The following HES2 variants were observed in gnomAD, a reference collection of about 807,000 sequenced individuals.
The protein encoded by HES2 is transcription factor HES-2.
A neutral mutation model predicts 11.9 loss-of-function variants in HES2; 11 were observed. That is an observed-to-expected ratio of 0.92 (90% confidence interval 0.58 to 1.53). The LOEUF is 1.53. Ranked by LOEUF, HES2 falls within the 40% of genes most tolerant of loss-of-function variation. The probability of loss-of-function intolerance (pLI) is 0.00; values close to 1 mark genes in which losing one functional copy is unlikely to be tolerated. For synonymous variants in HES2, 125 were observed against 122.8 expected (o/e 1.02, Z -0.12); for missense variants, 260 against 253.8 (o/e 1.02, Z -0.16).
Position 6,419,441 on chromosome 1 carries a change from C to T in HES2, c.142-101G>A. 2 of 1,217,484 alleles carry T rather than the reference C, an allele frequency of 1.6e-6. No homozygotes were observed. Among genetic ancestry groups the T allele is most frequent in the African/African-American group, 1.5e-5 (1 of 64,800 alleles). The allele number at this position is 1,217,484 out of a possible 1,614,324, so 75.4% of individuals were successfully genotyped here. A position where few individuals can be genotyped will look rare whatever the true frequency, so the allele number is the denominator to read the frequency against. ...CTCTAGTCGGGAGCTGGGTGTGGGG[C>T]GCGCCGTGGCCTGCTGGGGGTCCGC... is the stretch of plus-strand genomic sequence containing the variant. On this transcript the variant is annotated intron_variant, in intron 2 of 3. Transcript: ENST00000377834. This position sits in a 1 kb window ranked among gnomAD's most constrained non-coding sequence, Gnocchi z 8.1.
Position 6,419,059 on chromosome 1 carries a change from G to A in HES2, c.336C>T (p.Ser112=), listed in dbSNP as rs1194957833. 6.8e-7 allele frequency: 1 copy of A among 1,473,788 alleles called. No individual in the cohort carries two copies. The highest frequency in any genetic ancestry group is 1.5e-5 in the African/African-American group (1 of 68,026). 91.3% of individuals were successfully genotyped at this position (1,473,788 alleles called of 1,614,324 possible). A position where few individuals can be genotyped will look rare whatever the true frequency, so the allele number is the denominator to read the frequency against. ...GCCACAGGTGCTCCAGCAGGCGCGC[G>A]CTCACGGCGGGCTCCAGGACACGGC... ...PACRVLEPAV[S]ARLLEHLWRR... is the part of the protein sequence containing the mutation. The change falls in exon 4 of 4, where the codon AGC becomes AGT. Residue 112 remains serine (S), a synonymous_variant. Coordinates refer to ENST00000377834, the MANE Select transcript of HES2 (RefSeq NM_019089.5). The surrounding 1 kb of genome is among the most constrained non-coding windows in gnomAD (Gnocchi z 8.1).
At position 6,419,875 on chromosome 1, in the gene HES2, C is replaced by A. The variant is rs1036757358; in HGVS notation, c.-55G>T. The A allele has an allele frequency of 2.3e-5, 34 of 1,492,390 alleles. 1 individual carries two copies. The East Asian group carries it at 8.6e-4, about 38-fold the overall frequency. 92.4% of individuals were successfully genotyped at this position (1,492,390 alleles called of 1,614,324 possible). On this transcript the variant is annotated 5_prime_UTR_variant, in exon 1 of 4. Transcript: ENST00000377834. This position sits in a 1 kb window ranked among gnomAD's most constrained non-coding sequence, Gnocchi z 8.1. The stretch of plus-strand genomic sequence containing the variant: ...GCCCCACGCAAAGGGAAACCGAGGT[C>A]CGAAATGAGGTCCCGGGCGCGGCCC...
chr1:6,418,701 G>A lies in HES2; in HGVS notation c.*172C>T, dbSNP rs1312472641. On this transcript the variant is annotated 3_prime_UTR_variant, in exon 4 of 4. Transcript: ENST00000377834. ...CTTTTATTCCCTGAGCCGAGCCCCA[G>A]CCCCAGGGCTTTCAGTCTGCCACGC... is the stretch of plus-strand genomic sequence containing the variant. The A allele has an allele frequency of 3.5e-6, 2 of 564,314 alleles. No individual in the cohort carries two copies. The highest frequency in any genetic ancestry group is 5.3e-6 in the Non-Finnish European group (2 of 378,086). The allele number at this position is 564,314 out of a possible 1,614,324, so 35.0% of individuals were successfully genotyped here.
At position 6,415,728 on chromosome 1, in the gene HES2, G is replaced by A. The variant is rs1308055657; in HGVS notation, c.*3145C>T. On this transcript the variant is annotated 3_prime_UTR_variant, in exon 4 of 4. Coordinates refer to ENST00000377834, the MANE Select transcript of HES2 (RefSeq NM_019089.5). ...TTTCAGCACAGATGGGTTCCCAGCA[G>A]CTTAGTGCTCTGGCTGTCCTTAGGT... 1.3e-5 allele frequency: 2 copies of A among 152,204 alleles called. No individual in the cohort carries two copies. The highest frequency in any genetic ancestry group is 6.5e-5 in the Admixed American group (1 of 15,274). The allele number at this position is 152,204 out of a possible 1,614,324, so 9.4% of individuals were successfully genotyped here. A position where few individuals can be genotyped will look rare whatever the true frequency, so the allele number is the denominator to read the frequency against.
chr1:6,419,270 G>A lies in HES2; in HGVS notation c.212C>T (p.Pro71Leu). 1 of 1,610,598 alleles carries A rather than the reference G, an allele frequency of 6.2e-7. No homozygotes were observed. The highest frequency in any genetic ancestry group is 8.5e-7 in the Non-Finnish European group (1 of 1,179,160). Residue 71 changes from proline to leucine, a missense_variant, in exon 3 of 4, where the codon CCT (proline) becomes CTT (leucine). Coordinates refer to ENST00000377834, the MANE Select transcript of HES2 (RefSeq NM_019089.5). This position sits in a 1 kb window ranked among gnomAD's most constrained non-coding sequence, Gnocchi z 8.1. ...EMTVRFLQEL[P>L]ASSWPTAAPL... The stretch of plus-strand genomic sequence containing the variant: ...CGCTGCCGTGGGCCATGAGGACGCA[G>A]GCAGCTCCTGCAGGAAGCGCACGGT...
rs745921502 is a variant in HES2, at chr1:6,419,095, C to T, written c.300G>A (p.Val100=). The T allele has an allele frequency of 1.9e-5, 29 of 1,502,900 alleles. No individual in the cohort carries two copies. Among genetic ancestry groups the T allele is most frequent in the Non-Finnish European group, 2.6e-5 (29 of 1,134,364 alleles). 93.1% of individuals were successfully genotyped at this position (1,502,900 alleles called of 1,614,324 possible). Residue 100 remains valine (V), a synonymous_variant, in exon 4 of 4, where the codon GTG becomes GTA. Transcript: ENST00000377834. This position sits in a 1 kb window ranked among gnomAD's most constrained non-coding sequence, Gnocchi z 8.1. The stretch of plus-strand genomic sequence containing the variant: ...GCTCCAGGACACGGCAGGCGGGCAG[C>T]ACGCGGGCCAGGCGCGCCACACAGG... The part of the protein sequence containing the change: ...YSACVARLAR[V]LPACRVLEPA...
At position 6,419,007 on chromosome 1, in the gene HES2, C is replaced by G; in HGVS notation, c.388G>C (p.Gly130Arg). Residue 130 changes from glycine (G) to arginine (R), a missense_variant, in exon 4 of 4, where the codon GGC (glycine) becomes CGC (arginine). Coordinates refer to ENST00000377834, the MANE Select transcript of HES2 (RefSeq NM_019089.5). This position sits in a 1 kb window ranked among gnomAD's most constrained non-coding sequence, Gnocchi z 8.1. ...WRRAASATLD[G>R]GRAGDSSGPS... ...CCACTGGAATCCCCAGCGCGCCCGC[C>G]GTCCAGGGTGGCGCTGGCCGCTCTC... 7.3e-7 allele frequency: 1 copy of G among 1,374,820 alleles called. No homozygotes were observed. Among genetic ancestry groups the G allele is most frequent in the Non-Finnish European group, 9.3e-7 (1 of 1,075,248 alleles). 85.2% of individuals were successfully genotyped at this position (1,374,820 alleles called of 1,614,324 possible). A position where few individuals can be genotyped will look rare whatever the true frequency, so the allele number is the denominator to read the frequency against.
Position 6,419,499 on chromosome 1 carries a change from C to G in HES2, c.141+108G>C. 6 of 1,215,392 alleles carry G rather than the reference C, an allele frequency of 4.9e-6. No homozygotes were observed. The highest frequency in any genetic ancestry group is 6.7e-6 in the Non-Finnish European group (6 of 897,186). 75.3% of individuals were successfully genotyped at this position (1,215,392 alleles called of 1,614,324 possible). ...CGCCCACCCCACCCAGGCTCCGCCT[C>G]GGGCGCCGCGCGGAACCCCCTGGTG... On this transcript the variant is annotated intron_variant, in intron 2 of 3. Coordinates refer to ENST00000377834, the MANE Select transcript of HES2 (RefSeq NM_019089.5). This position sits in a 1 kb window ranked among gnomAD's most constrained non-coding sequence, Gnocchi z 8.1.
chr1:6,419,760 A>T lies in HES2; in HGVS notation c.45+16T>A. On this transcript the variant is annotated intron_variant, in intron 1 of 3. Transcript: ENST00000377834. The surrounding 1 kb of genome is among the most constrained non-coding windows in gnomAD (Gnocchi z 8.1). Reference sequence around the variant, plus strand: ...CCCCGGAGTCCCCAGCCCCGCCCCCAGTCCCCGGTACCCACCTTGCGCAGC... The same window carrying T: ...CCCCGGAGTCCCCAGCCCCGCCCCCTGTCCCCGGTACCCACCTTGCGCAGC... 1 of 1,461,636 alleles carries T rather than the reference A, an allele frequency of 6.8e-7. No homozygotes were observed. Among genetic ancestry groups the T allele is most frequent in the Non-Finnish European group, 9.2e-7 (1 of 1,081,604 alleles). The allele number at this position is 1,461,636 out of a possible 1,614,324, so 90.5% of individuals were successfully genotyped here. A position where few individuals can be genotyped will look rare whatever the true frequency, so the allele number is the denominator to read the frequency against.
At position 6,419,401 on chromosome 1, in the gene HES2, C is replaced by A; in HGVS notation, c.142-61G>T. 1 of 1,420,754 alleles carries A rather than the reference C, an allele frequency of 7.0e-7. No homozygotes were observed. The highest frequency in any genetic ancestry group is 9.7e-7 in the Non-Finnish European group (1 of 1,034,926). 88.0% of individuals were successfully genotyped at this position (1,420,754 alleles called of 1,614,324 possible). A position where few individuals can be genotyped will look rare whatever the true frequency, so the allele number is the denominator to read the frequency against. ...ACCAAGACAGAACTTTGGCCGGCTA[C>A]CGTGCGCACCCTCGCTCTAGTCGGG... On this transcript the variant is annotated intron_variant, in intron 2 of 3. Coordinates refer to ENST00000377834, the MANE Select transcript of HES2 (RefSeq NM_019089.5). This position sits in a 1 kb window ranked among gnomAD's most constrained non-coding sequence, Gnocchi z 8.1.
At position 6,419,720 on chromosome 1, in the gene HES2, G is replaced by A. The variant is rs1642890476; in HGVS notation, c.46-18C>T. 6.4e-7 allele frequency: 1 copy of A among 1,551,678 alleles called. No homozygotes were observed. The highest frequency in any genetic ancestry group is 8.7e-7 in the Non-Finnish European group (1 of 1,151,628). ...TTCAGGCTCTGCGGACGGGCGGCGC[G>A]GTGGTTAGACGGGTCCCCGGAGTCC... On this transcript the variant is annotated intron_variant, in intron 1 of 3. Transcript: ENST00000377834. The surrounding 1 kb of genome is among the most constrained non-coding windows in gnomAD (Gnocchi z 8.1).
rs1642854290 is a variant in HES2 at position 6,416,709 on chromosome 1, CT to C, written c.*2163del. 1 of 152,350 alleles carries C rather than the reference CT, an allele frequency of 6.6e-6. No individual in the cohort carries two copies. The highest frequency in any genetic ancestry group is 6.5e-5 in the Admixed American group (1 of 15,278). The allele number at this position is 152,350 out of a possible 1,614,324, so 9.4% of individuals were successfully genotyped here. A position where few individuals can be genotyped will look rare whatever the true frequency, so the allele number is the denominator to read the frequency against. On this transcript the variant is annotated 3_prime_UTR_variant, in exon 4 of 4. Coordinates refer to ENST00000377834, the MANE Select transcript of HES2 (RefSeq NM_019089.5). ...GGAGAGGAAGCGAGGGTCCTCCTGG[CT>C]GGTTAGATCTTACAGAGTTTAAGCT...
At position 6,419,754 on chromosome 1, in the gene HES2, GC is replaced by G; in HGVS notation, c.45+21del. 2.2e-6 allele frequency: 3 copies of G among 1,356,660 alleles called. No homozygotes were observed. The highest frequency in any genetic ancestry group is 5.4e-5 in the East Asian group (2 of 36,960). 84.0% of individuals were successfully genotyped at this position (1,356,660 alleles called of 1,614,324 possible). A position where few individuals can be genotyped will look rare whatever the true frequency, so the allele number is the denominator to read the frequency against. On this transcript the variant is annotated intron_variant, in intron 1 of 3. Coordinates refer to ENST00000377834, the MANE Select transcript of HES2 (RefSeq NM_019089.5). This position sits in a 1 kb window ranked among gnomAD's most constrained non-coding sequence, Gnocchi z 8.1. ...ACGGGTCCCCGGAGTCCCCAGCCCCGCCCCCAGTCCCCGGTACCCACCTTGC... is the reference window on the plus strand; with the variant it reads ...ACGGGTCCCCGGAGTCCCCAGCCCCGCCCCAGTCCCCGGTACCCACCTTGC...
rs754809839 is a variant in HES2, at chr1:6,419,040, G to T, written c.355C>A (p.Leu119Met). Residue 119 changes from leucine to methionine, a missense_variant, in exon 4 of 4, where the codon CTG becomes ATG. By Grantham distance (15) the Leu-to-Met change is conservative (BLOSUM62 2). Transcript: ENST00000377834. This position sits in a 1 kb window ranked among gnomAD's most constrained non-coding sequence, Gnocchi z 8.1. Reference protein sequence around the residue: ...PAVSARLLEHLWRRAASATLD... With the variant: ...PAVSARLLEHMWRRAASATLD... ...GTGGCGCTGGCCGCTCTCCGCCACA[G>T]GTGCTCCAGCAGGCGCGCGCTCACG... 1.3e-5 allele frequency: 19 copies of T among 1,464,514 alleles called. No homozygotes were observed. The highest frequency in any genetic ancestry group is 1.5e-5 in the Non-Finnish European group (17 of 1,118,064). 90.7% of individuals were successfully genotyped at this position (1,464,514 alleles called of 1,614,324 possible).
chr1:6,415,722 C>G lies in HES2; in HGVS notation c.*3151G>C, dbSNP rs761580910. On this transcript the variant is annotated 3_prime_UTR_variant, in exon 4 of 4. Coordinates refer to ENST00000377834, the MANE Select transcript of HES2 (RefSeq NM_019089.5). ...TCTACATTTCAGCACAGATGGGTTC[C>G]CAGCAGCTTAGTGCTCTGGCTGTCC... The G allele has an allele frequency of 5.3e-5, 8 of 152,248 alleles. No individual in the cohort carries two copies. The highest frequency in any genetic ancestry group is 1.2e-4 in the Non-Finnish European group (8 of 68,082). 9.4% of individuals were successfully genotyped at this position (152,248 alleles called of 1,614,324 possible).
In HES2 at chr1:6,416,056, A is replaced by G. The variant is rs4908889; in HGVS notation, c.*2817T>C. On this transcript the variant is annotated 3_prime_UTR_variant, in exon 4 of 4. Coordinates refer to ENST00000377834, the MANE Select transcript of HES2 (RefSeq NM_019089.5). ...GTCTCCCGAAGTGCTGGCATTACAG[A>G]CGTGAGCCACTGCGCCCGGCCTTGC... The G allele has an allele frequency of 0.3, 45,735 of 152,246 alleles. 10,754 individuals are homozygous for G. Among genetic ancestry groups the G allele is most frequent in the African/African-American group, 0.66 (27,494 of 41,510 alleles). The allele number at this position is 152,246 out of a possible 1,614,324, so 9.4% of individuals were successfully genotyped here. A position where few individuals can be genotyped will look rare whatever the true frequency, so the allele number is the denominator to read the frequency against.
Position 6,419,644 on chromosome 1 carries a change from T to G in HES2, c.104A>C (p.Gln35Pro). ...RRARINQSLSQLKGLILPLLG... is the reference protein window; with the variant it reads ...RRARINQSLSPLKGLILPLLG... ...CAGCGGCAGGATGAGCCCCTTAAGC[T>G]GGCTCAGGCTCTGGTTGATGCGCGC... Residue 35 changes from glutamine (Q) to proline (P), a missense_variant, in exon 2 of 4, where the codon CAG becomes CCG. Coordinates refer to ENST00000377834, the MANE Select transcript of HES2 (RefSeq NM_019089.5). The surrounding 1 kb of genome is among the most constrained non-coding windows in gnomAD (Gnocchi z 8.1). The G allele has an allele frequency of 6.4e-7, 1 of 1,551,646 alleles. No individual in the cohort carries two copies. Among genetic ancestry groups the G allele is most frequent in the Non-Finnish European group, 8.7e-7 (1 of 1,151,918 alleles).
chr1:6,418,652 G>C lies in HES2; in HGVS notation c.*221C>G. 2.5e-6 allele frequency: 1 copy of C among 406,898 alleles called. No individual in the cohort carries two copies. Among genetic ancestry groups the C allele is most frequent in the Non-Finnish European group, 4.2e-6 (1 of 235,426 alleles). The allele number at this position is 406,898 out of a possible 1,614,324, so 25.2% of individuals were successfully genotyped here. On this transcript the variant is annotated 3_prime_UTR_variant, in exon 4 of 4. Transcript: ENST00000377834. ...CTCTTGTCCTTTCTTCTCCAGCCAA[G>C]TTGGGGGTGAAGCAGGGACGCTCCT...
At position 6,419,013 on chromosome 1, in the gene HES2, G is replaced by A; in HGVS notation, c.382C>T (p.Leu128=). 13 of 1,413,750 alleles carry A rather than the reference G, an allele frequency of 9.2e-6. No homozygotes were observed. Among genetic ancestry groups the A allele is most frequent in the Non-Finnish European group, 1.2e-5 (13 of 1,094,900 alleles). 87.6% of individuals were successfully genotyped at this position (1,413,750 alleles called of 1,614,324 possible). The change falls in exon 4 of 4, where the codon CTG becomes TTG. Residue 128 remains leucine, a synonymous_variant. Coordinates refer to ENST00000377834, the MANE Select transcript of HES2 (RefSeq NM_019089.5). This position sits in a 1 kb window ranked among gnomAD's most constrained non-coding sequence, Gnocchi z 8.1. The part of the protein sequence containing the change: ...HLWRRAASAT[L]DGGRAGDSSG... Reference sequence around the variant, plus strand: ...GAATCCCCAGCGCGCCCGCCGTCCAGGGTGGCGCTGGCCGCTCTCCGCCAC... The same window carrying A: ...GAATCCCCAGCGCGCCCGCCGTCCAAGGTGGCGCTGGCCGCTCTCCGCCAC...
Sources: gnomAD v4.1 joint callset for allele counts on GRCh38, gnomAD v4.1.1 for gene constraint, Gnocchi (gnomAD v3.1) non-coding constraint, MANE v1.5 for transcripts, NCBI Gene and HGNC (gene_info 2026-07-23, HGNC 2026-07-21) for gene names.